QRFPR: variants seen among roughly 807,000 people sequenced by gnomAD.
The protein encoded by QRFPR is pyroglutamylated RFamide peptide receptor, also known as pyroglutamylated RF-amide peptide receptor.
Under a neutral mutation model 31.3 loss-of-function variants are expected in QRFPR, and 37 were observed. The ratio of observed to expected loss-of-function variants is 1.18; its 90% CI spans 0.91 to 1.56. The LOEUF is 1.56. Among genes scored for constraint, QRFPR ranks in the 40% most tolerant of loss-of-function variants. The pLI is 0.00. For synonymous variants in QRFPR, 197 were observed against 192.0 expected (o/e 1.03, Z -0.22); for missense variants, 542 against 532.5 (o/e 1.02, Z -0.18).
Position 121,380,517 on chromosome 4 carries a change from G to T in QRFPR, c.131C>A (p.Ala44Asp). 2 of 1,613,860 alleles carry T rather than the reference G, an allele frequency of 1.2e-6. No homozygotes were observed. The highest frequency in any genetic ancestry group is 1.7e-6 in the Non-Finnish European group (2 of 1,179,864). The change falls in exon 1 of 6, where the codon GCC becomes GAC. Residue 44 changes from alanine to aspartate, a missense_variant. Coordinates refer to ENST00000394427, the MANE Select transcript of QRFPR (RefSeq NM_198179.3). ...LVYTPELPGR[A>D]KLALVLTGVL... is the part of the protein sequence containing the mutation. ...GCCGGTGAGCACGAGGGCCAGCTTG[G>T]CGCGTCCCGGCAGCTCTGGGGTGTA...
At position 121,380,534 on chromosome 4, in the gene QRFPR, TG is replaced by T; in HGVS notation, c.113del (p.Pro38GlnfsTer33). 1 of 1,613,020 alleles carries T rather than the reference TG, an allele frequency of 6.2e-7. No individual in the cohort carries two copies. The highest frequency in any genetic ancestry group is 8.5e-7 in the Non-Finnish European group (1 of 1,179,524). On this transcript the variant is annotated frameshift_variant, in exon 1 of 6. Transcript: ENST00000394427. LOFTEE classifies it high-confidence loss of function. ...LYRLRPLVYT[P>X]ELPGRAKLAL... is the part of the protein sequence containing the mutation. The stretch of plus-strand genomic sequence containing the variant: ...CCAGCTTGGCGCGTCCCGGCAGCTC[TG>T]GGGTGTAGACGAGCGGTCGCAGCCG...
At chr4:121,369,897 C>T (rs1726199894) in intron 1 of QRFPR, 2 of 787,966 alleles carry the variant, frequency 2.5e-6, no homozygotes, top group African/African-American at 1.7e-5. Context: ...TTGTGGAGTG[C>T]TTCTGCTACT....
rs185397752 is a variant in QRFPR at position 121,365,765 on chromosome 4, A to G, written c.340+14543T>C. Among the ~76,000 whole-genome samples, 606 of 126,878 alleles carry G rather than the reference A, an allele frequency of 4.8e-3. 18 individuals carry two copies. The highest frequency in any genetic ancestry group is 0.02 in the Middle Eastern group (5 of 250). 83.2% of individuals were successfully genotyped at this position (126,878 alleles called of 152,430 possible). ...GACACTTAGATTTTGATCCAGTAAA[A>G]TTCATCGTAATAAGAATAAATCCTT... is the stretch of plus-strand genomic sequence containing the variant. On this transcript the variant is annotated intron_variant, in intron 1 of 5. Coordinates refer to ENST00000394427, the MANE Select transcript of QRFPR (RefSeq NM_198179.3).
chr4:121,354,488 T>A (rs1372998362), intron 1 of QRFPR, among the ~76,000 whole-genome samples: 1 of 152,068 alleles, frequency 6.6e-6, no homozygotes, highest in East Asian at 1.9e-4. Flanking sequence ...TCAGATCATA[T>A]CATCTGCAAA....
chr4:121,380,251 C>T (rs1185671906), intron 1 of QRFPR, 57 bp downstream of exon 1: 1 of 865,114 alleles, frequency 1.2e-6, no homozygotes, highest in South Asian at 2.2e-5. Flanking sequence ...GAGAGAGATC[C>T]CCTGAAAGGC....
At chr4:121,352,829 T>A (rs1560739259) in intron 1 of QRFPR, among the ~76,000 whole-genome samples, 1 of 152,028 alleles carries the variant, frequency 6.6e-6, no homozygotes, top group Non-Finnish European at 1.5e-5. Flanking sequence ...TTCATTCTAT[T>A]TGTGTTTTTG....
intron 1 of QRFPR, among the ~76,000 whole-genome samples, chr4:121,348,434 A>G (rs1725699331): frequency 6.6e-6 from 1 of 152,098 alleles, no homozygotes; most frequent in South Asian, 2.1e-4. Context: ...TTCCTTCTAG[A>G]AGACCACTGA....
intron 1 of QRFPR, among the ~76,000 whole-genome samples, chr4:121,345,360 T>A (rs1219607988): frequency 6.6e-6 from 1 of 152,242 alleles, no homozygotes; most frequent in Non-Finnish European, 1.5e-5. Context: ...TTCACGCTGA[T>A]CCTGTGAGCC....
intron 1 of QRFPR, among the ~76,000 whole-genome samples, chr4:121,346,321 C>T (rs1472335257): frequency 1.3e-5 from 2 of 152,174 alleles, no homozygotes; most frequent in East Asian, 3.8e-4. Context: ...GGGACCATGT[C>T]CTTCTCTTCC....
chr4:121,333,354 T>C (rs938532759), intron 3 of QRFPR, among the ~76,000 whole-genome samples: 3 of 152,302 alleles, frequency 2.0e-5, no homozygotes, highest in Admixed American at 6.5e-5. Context: ...TAGTCACAAG[T>C]TTTCAATCGA....
chr4:121,379,661 C>T (rs959469488), intron 1 of QRFPR, among the ~76,000 whole-genome samples: 4 of 152,130 alleles, frequency 2.6e-5, no homozygotes, highest in Admixed American at 6.5e-5. Context: ...GTTATCTCTT[C>T]TTTTATAATA....
intron 1 of QRFPR, among the ~76,000 whole-genome samples, chr4:121,370,699 G>C (rs1726223812): frequency 6.6e-6 from 1 of 151,980 alleles, no homozygotes; most frequent in African/African-American, 2.4e-5. Flanking sequence ...CAATCCCACA[G>C]GAAATTTTTT....
intron 1 of QRFPR, among the ~76,000 whole-genome samples, chr4:121,355,000 G>A (rs1725837742): frequency 6.6e-6 from 1 of 152,018 alleles, no homozygotes; most frequent in Non-Finnish European, 1.5e-5. Flanking sequence ...TTGCATCTAT[G>A]CTAATCAAGG....
In QRFPR at chr4:121,370,169, A is replaced by G. The variant is rs982916806; in HGVS notation, c.340+10139T>C. 3.9e-6 allele frequency: 3 copies of G among 769,616 alleles called. No homozygotes were observed. In the African/African-American group the frequency reaches 5.1e-5, roughly 13 times the overall value. The allele number at this position is 769,616 out of a possible 1,614,324, so 47.7% of individuals were successfully genotyped here. ...TGAGGTGCTGATACTTGTGCTCTGA[A>G]ATCACTGGCTTCCAAGGGATGCTGC... On this transcript the variant is annotated intron_variant, in intron 1 of 5. Coordinates refer to ENST00000394427, the MANE Select transcript of QRFPR (RefSeq NM_198179.3).
chr4:121,357,915 C>T, intron 1 of QRFPR, among the ~76,000 whole-genome samples: 2 of 152,256 alleles, frequency 1.3e-5, no homozygotes, highest in South Asian at 4.1e-4. Context: ...TCTATCTTCT[C>T]TTTCATTCAC....
At chr4:121,359,381 A>G (rs568727439) in intron 1 of QRFPR, among the ~76,000 whole-genome samples, 1 of 152,076 alleles carries the variant, frequency 6.6e-6, no homozygotes, top group African/African-American at 2.4e-5. Flanking sequence ...CCCACCTTTA[A>G]TCTGGTGGGC....
intron 3 of QRFPR, chr4:121,334,561 C>G (rs781256964): frequency 3.9e-5 from 11 of 281,548 alleles, no homozygotes; most frequent in Non-Finnish European, 7.2e-5. Flanking sequence ...GCATCATAAA[C>G]ACATGGCAGG....
Position 121,380,534 on chromosome 4 carries a change from T to C in QRFPR, c.114A>G (p.Pro38=), listed in dbSNP as rs1290030926. 2 of 1,613,020 alleles carry C rather than the reference T, an allele frequency of 1.2e-6. No homozygotes were observed. Among genetic ancestry groups the C allele is most frequent in the South Asian group, 2.2e-5 (2 of 90,946 alleles). The change falls in exon 1 of 6, where the codon CCA becomes CCG. Residue 38 remains proline (P), a synonymous_variant. Coordinates refer to ENST00000394427, the MANE Select transcript of QRFPR (RefSeq NM_198179.3). Reference sequence around the variant, plus strand: ...CCAGCTTGGCGCGTCCCGGCAGCTCTGGGGTGTAGACGAGCGGTCGCAGCC... The same window carrying C: ...CCAGCTTGGCGCGTCCCGGCAGCTCCGGGGTGTAGACGAGCGGTCGCAGCC... ...LYRLRPLVYT[P]ELPGRAKLAL... is the part of the protein sequence containing the mutation.
chr4:121,361,207 G>T lies in QRFPR; in HGVS notation c.340+19101C>A, dbSNP rs772720460. 2.1e-5 allele frequency among the ~76,000 whole-genome samples: 3 copies of T among 141,378 alleles called. 1 individual carries two copies. The highest frequency in any genetic ancestry group is 2.1e-4 in the Admixed American group (3 of 14,440). 92.7% of individuals were successfully genotyped at this position (141,378 alleles called of 152,430 possible). A position where few individuals can be genotyped will look rare whatever the true frequency, so the allele number is the denominator to read the frequency against. On this transcript the variant is annotated intron_variant, in intron 1 of 5. Transcript: ENST00000394427. ...AAACCAGGATAAATAGTTTCACAAA[G>T]ACCATATTTACTTTGAGGAAAATTT...
Sources: gnomAD v4.1 joint callset for allele counts (sites outside exome capture counted in the v4.1 genomes callset) on GRCh38, gnomAD v4.1.1 for gene constraint, MANE v1.5 for transcripts, NCBI Gene and HGNC (gene_info 2026-07-23, HGNC 2026-07-21) for gene names.